PKD1L1: variants seen among roughly 807,000 people sequenced by gnomAD.
The protein encoded by PKD1L1 is polycystin-1-like protein 1.
In PKD1L1, 236 loss-of-function variants were observed where a neutral mutation model predicts 323.4. The observed-to-expected ratio is 0.73, with a 90% CI of 0.66 to 0.81. PKD1L1 has a LOEUF of 0.81. Among genes scored for constraint, PKD1L1 ranks in the 40% least tolerant of loss-of-function variants. The pLI, the probability that PKD1L1 is intolerant of heterozygous loss-of-function variation, is 0.00. For missense variants in PKD1L1, 3,320 were observed against 3,508.0 expected (o/e 0.95, Z 1.35); for synonymous variants, 1,344 against 1,335.0 (o/e 1.01, Z -0.15).
chr7:47,807,216 A>G (rs1205129776), intron 52 of PKD1L1, among the ~76,000 whole-genome samples: 1 of 151,874 alleles, frequency 6.6e-6, no homozygotes, highest in Non-Finnish European at 1.5e-5. Context: ...CTCCTTTAGA[A>G]CCTGTTTCTT....
intron 55 of PKD1L1, chr7:47,795,433 C>T (rs1167035019): frequency 2.2e-6 from 1 of 445,364 alleles, no homozygotes; most frequent in Non-Finnish European, 4.5e-6. Context: ...CCTCCCAAGT[C>T]ATGTGGAAAT....
chr7:47,942,264 A>G (rs895130725), intron 2 of PKD1L1, among the ~76,000 whole-genome samples: 1 of 152,132 alleles, frequency 6.6e-6, no homozygotes, highest in Admixed American at 6.5e-5. Flanking sequence ...TTCCCTGGCA[A>G]TCCTCGCAGT....
intron 32 of PKD1L1, among the ~76,000 whole-genome samples, chr7:47,846,404 C>T (rs1390517645): frequency 1.3e-5 from 2 of 152,206 alleles, no homozygotes; most frequent in African/African-American, 4.8e-5. Flanking sequence ...GAAAGCACAC[C>T]TTCACCACCA....
chr7:47,846,858 C>A lies in PKD1L1; in HGVS notation c.5153+21G>T, dbSNP rs749771702. The stretch of plus-strand genomic sequence containing the variant: ...AGTCATTTACTAAAAATCTCAGATT[C>A]TTTCTCAAATGTGTCTATACCTGCA... On this transcript the variant is annotated intron_variant, in intron 32 of 56. Transcript: ENST00000289672. 2.5e-6 allele frequency: 4 copies of A among 1,582,604 alleles called. No individual in the cohort carries two copies. In the South Asian group the frequency reaches 3.6e-5, roughly 14 times the overall value.
rs1036859256 is a variant in PKD1L1 at position 47,852,682 on chromosome 7, C to T, written c.4960+445G>A. Among the ~76,000 whole-genome samples, 29 of 152,090 alleles carry T rather than the reference C, an allele frequency of 1.9e-4. 1 individual carries two copies. The highest frequency in any genetic ancestry group is 1.4e-3 in the Admixed American group (22 of 15,270). ...GTGAGCCCCAAACTTCACACTCTGC[C>T]CCCACACTGCTTCAGAGGGGGTCCT... On this transcript the variant is annotated intron_variant, in intron 31 of 56. Transcript: ENST00000289672.
In PKD1L1 at chr7:47,788,808, A is replaced by G. The variant is rs924981899; in HGVS notation, c.8526+3819T>C. 5.3e-5 allele frequency among the ~76,000 whole-genome samples: 8 copies of G among 151,624 alleles called. No homozygotes were observed. In the East Asian group the frequency reaches 1.6e-3, roughly 30 times the overall value. ...GAGATGGGTTTTCACCGTGTGAGCCAGGATGGTCTCGATCTCCTGACCTCA... is the reference window on the plus strand; with the variant it reads ...GAGATGGGTTTTCACCGTGTGAGCCGGGATGGTCTCGATCTCCTGACCTCA... On this transcript the variant is annotated intron_variant, in intron 56 of 56. Coordinates refer to ENST00000289672, the MANE Select transcript of PKD1L1 (RefSeq NM_138295.5).
chr7:47,893,761 C>G, intron 15 of PKD1L1, 117 bp downstream of exon 15: 2 of 1,094,590 alleles, frequency 1.8e-6, no homozygotes, highest in Non-Finnish European at 2.6e-6. Flanking sequence ...TTAAACTTAA[C>G]GAAAGTTGAT....
chr7:47,827,666 T>C lies in PKD1L1; in HGVS notation c.6736-198A>G, dbSNP rs77538568. Among the ~76,000 whole-genome samples, 680 of 152,340 alleles carry C rather than the reference T, an allele frequency of 4.5e-3. 7 individuals carry two copies. Among genetic ancestry groups the C allele is most frequent in the African/African-American group, 0.016 (653 of 41,580 alleles). ...GATCAGAGATGGGGGTAGACCCATT[T>C]TTAAAAATCTGCTCATGTCCCAGGC... On this transcript the variant is annotated intron_variant, in intron 44 of 56. Coordinates refer to ENST00000289672, the MANE Select transcript of PKD1L1 (RefSeq NM_138295.5).
intron 3 of PKD1L1, 61 bp downstream of exon 3, chr7:47,940,130 AGC>A: frequency 6.4e-7 from 1 of 1,569,938 alleles, no homozygotes; most frequent in East Asian, 2.3e-5. Context: ...GGTGCTTTTT[AGC>A]TGTACTGTAC....
intron 14 of PKD1L1, 29 bp downstream of exon 14, chr7:47,897,959 C>G (rs745318529): frequency 1.3e-6 from 2 of 1,552,626 alleles, no homozygotes; most frequent in African/African-American, 2.7e-5. Flanking sequence ...TTTCATTGGG[C>G]CAGTAGAGCA....
intron 8 of PKD1L1, among the ~76,000 whole-genome samples, chr7:47,909,452 C>T (rs954284100): frequency 1.3e-5 from 2 of 152,112 alleles, no homozygotes; most frequent in Non-Finnish European, 2.9e-5. Flanking sequence ...CTTCTTTGTG[C>T]CTCCATCTGG....
chr7:47,845,318 C>T (rs1238519266), intron 32 of PKD1L1, among the ~76,000 whole-genome samples: 1 of 152,192 alleles, frequency 6.6e-6, no homozygotes, highest in Admixed American at 6.5e-5. Context: ...TGGAGGCTGT[C>T]CTGAGATGCA....
At chr7:47,912,600 G>T (rs971095836) in intron 8 of PKD1L1, among the ~76,000 whole-genome samples, 2 of 151,990 alleles carry the variant, frequency 1.3e-5, no homozygotes, top group Admixed American at 6.6e-5. Flanking sequence ...TGGATCGCTT[G>T]AGGTCAGGAG....
chr7:47,868,618 G>A (rs1484771757), intron 24 of PKD1L1, among the ~76,000 whole-genome samples: 1 of 152,200 alleles, frequency 6.6e-6, no homozygotes, highest in Non-Finnish European at 1.5e-5. Flanking sequence ...GCTCATGCCT[G>A]TAATCCCAGC....
the PKD1L1 span, among the ~76,000 whole-genome samples, chr7:47,957,804 T>C: frequency 7.0e-6 from 1 of 143,712 alleles, no homozygotes; most frequent in African/African-American, 2.5e-5. Context: ...TATACATTAA[T>C]GGTGAACTAT....
chr7:47,816,781 A>T (rs996839436), intron 46 of PKD1L1, among the ~76,000 whole-genome samples: 1 of 152,244 alleles, frequency 6.6e-6, no homozygotes, highest in Non-Finnish European at 1.5e-5. Context: ...GAATGAACAC[A>T]CTATGAATCA....
chr7:47,835,996 G>T (rs1173559657), intron 37 of PKD1L1, among the ~76,000 whole-genome samples: 2 of 152,200 alleles, frequency 1.3e-5, no homozygotes, highest in African/African-American at 4.8e-5. Flanking sequence ...GAGAAAAGTG[G>T]TTAGTGGTCC....
intron 31 of PKD1L1, 72 bp from the exon 32 acceptor site, chr7:47,847,143 G>T: frequency 8.0e-7 from 1 of 1,255,994 alleles, no homozygotes; most frequent in South Asian, 1.8e-5. Flanking sequence ...TTCAAACGCA[G>T]ACAGAGTAGG....
At chr7:47,790,815 G>A (rs1026833617) in intron 56 of PKD1L1, among the ~76,000 whole-genome samples, 5 of 151,098 alleles carry the variant, frequency 3.3e-5, no homozygotes, top group South Asian at 4.2e-4. Flanking sequence ...CTGTCACCTA[G>A]GCTGGATCAC....
Sources: allele counts gnomAD v4.1 joint callset (sites outside exome capture counted in the v4.1 genomes callset), GRCh38; gene constraint gnomAD v4.1.1; transcripts MANE v1.5; gene names NCBI Gene and HGNC (gene_info 2026-07-23, HGNC 2026-07-21).